Variants in PARD3 observed in about 807,000 individuals in gnomAD.
PARD3 encodes the protein partitioning defective 3 homolog.
In PARD3, 75 loss-of-function variants were observed where a neutral mutation model predicts 155.4. The observed-to-expected ratio is 0.48, with a 90% CI of 0.40 to 0.58. The LOEUF is 0.58. Among genes scored for constraint, PARD3 ranks in the 20% least tolerant of loss-of-function variants. The pLI, the probability that PARD3 is intolerant of heterozygous loss-of-function variation, is 0.00. For synonymous variants in PARD3, 576 were observed against 610.5 expected (o/e 0.94, Z 0.83); for missense variants, 1,642 against 1,721.7 (o/e 0.95, Z 0.82).
At chr10:34,764,098 G>A (rs944727000) in intron 1 of PARD3, among the ~76,000 whole-genome samples, 4 of 152,154 alleles carry the variant, frequency 2.6e-5, no homozygotes, top group African/African-American at 7.2e-5. Flanking sequence ...GTGCATCACC[G>A]TCCTGCATGC....
intron 22 of PARD3, among the ~76,000 whole-genome samples, chr10:34,148,513 T>C (rs568721072): frequency 1.3e-5 from 2 of 152,320 alleles, no homozygotes; most frequent in East Asian, 3.9e-4. Context: ...ACCACAACAT[T>C]GTTTCTATAG....
intron 22 of PARD3, among the ~76,000 whole-genome samples, chr10:34,158,721 T>G (rs898684186): frequency 2.6e-5 from 4 of 152,258 alleles, no homozygotes; most frequent in African/African-American, 9.6e-5. Context: ...CACTAGTTAC[T>G]GTGGTTACCA....
chr10:34,707,837 C>T (rs1463120739), intron 1 of PARD3, among the ~76,000 whole-genome samples: 1 of 152,210 alleles, frequency 6.6e-6, no homozygotes, highest in Non-Finnish European at 1.5e-5. Context: ...CAGAACCCTC[C>T]CAGCACTCCC....
intron 10 of PARD3, 103 bp downstream of exon 10, chr10:34,377,864 A>C: frequency 1.2e-6 from 1 of 864,772 alleles, no homozygotes. Context: ...GCTAAAATGT[A>C]TATAACTGAA....
chr10:34,231,216 A>C (rs1952909174), intron 22 of PARD3, among the ~76,000 whole-genome samples: 1 of 142,814 alleles, frequency 7.0e-6, no homozygotes, highest in Non-Finnish European at 1.5e-5. Flanking sequence ...TATATACATG[A>C]GATATTTTTT....
chr10:34,286,254 AC>A (rs1198480896), intron 20 of PARD3, among the ~76,000 whole-genome samples: 14 of 152,320 alleles, frequency 9.2e-5, no homozygotes, highest in African/African-American at 3.4e-4. Flanking sequence ...CTGAGCATCT[AC>A]CATGCAGTCA....
At chr10:34,741,021 C>A (rs1248281036) in intron 1 of PARD3, among the ~76,000 whole-genome samples, 1 of 151,944 alleles carries the variant, frequency 6.6e-6, no homozygotes, top group Non-Finnish European at 1.5e-5. Context: ...CCCCCTAAAA[C>A]AAATATTATA....
intron 1 of PARD3, among the ~76,000 whole-genome samples, chr10:34,798,644 G>A (rs1262746248): frequency 6.7e-6 from 1 of 148,500 alleles, no homozygotes; most frequent in Non-Finnish European, 1.5e-5. Flanking sequence ...GGCAGAGGTT[G>A]CAGTGAGCCG....
At chr10:34,581,722 A>G (rs1019780459) in intron 2 of PARD3, among the ~76,000 whole-genome samples, 1 of 152,200 alleles carries the variant, frequency 6.6e-6, no homozygotes, top group African/African-American at 2.4e-5. Context: ...CAAGTCTTTG[A>G]GAACCCAGGA....
chr10:34,306,641 C>G lies in PARD3; in HGVS notation c.3065+10466G>C, dbSNP rs184465825. ...TCCAGCCTGGGCAACAAGAGCAAAA[C>G]TCCATCTCAAAATAATAATAACAAT... On this transcript the variant is annotated intron_variant, in intron 20 of 24. Transcript: ENST00000374788. 5.3e-5 allele frequency among the ~76,000 whole-genome samples: 8 copies of G among 151,876 alleles called. No individual in the cohort carries two copies. In the East Asian group the frequency reaches 1.5e-3, roughly 29 times the overall value.
chr10:34,710,008 G>A (rs531007145), intron 1 of PARD3, among the ~76,000 whole-genome samples: 3 of 152,126 alleles, frequency 2.0e-5, no homozygotes, highest in African/African-American at 7.2e-5. Flanking sequence ...GAGGCGGGGG[G>A]ACAGGGAGCT....
In PARD3 at chr10:34,690,007, G is replaced by A. The variant is rs145609470; in HGVS notation, c.222+6311C>T. Among the ~76,000 whole-genome samples the A allele has an allele frequency of 2.8e-3, 431 of 152,188 alleles. 8 individuals carry two copies. The East Asian group carries it at 0.056, about 20-fold the overall frequency. ...TCGCCCAGGCTGGAGTACAGTGGGC[G>A]ATCTCAGCTCACTGCAACCTCCGTC... On this transcript the variant is annotated intron_variant, in intron 2 of 24. Coordinates refer to ENST00000374788, the MANE Select transcript of PARD3 (RefSeq NM_001184785.2).
intron 22 of PARD3, among the ~76,000 whole-genome samples, chr10:34,189,203 A>G (rs2133251191): frequency 6.6e-6 from 1 of 152,002 alleles, no homozygotes; most frequent in East Asian, 1.9e-4. Context: ...TAACCTGGGC[A>G]TGGTCCCCAG....
At chr10:34,513,671 T>C (rs1366463982) in intron 3 of PARD3, among the ~76,000 whole-genome samples, 2 of 152,230 alleles carry the variant, frequency 1.3e-5, no homozygotes, top group Admixed American at 1.3e-4. Flanking sequence ...TTATTCAGGA[T>C]ACTGTTCAAT....
At chr10:34,645,170 A>T (rs1449883653) in intron 2 of PARD3, among the ~76,000 whole-genome samples, 1 of 145,830 alleles carries the variant, frequency 6.9e-6, no homozygotes, top group Non-Finnish European at 1.5e-5. Flanking sequence ...TTTTTATTTT[A>T]TTTTATTTTA....
intron 2 of PARD3, among the ~76,000 whole-genome samples, chr10:34,519,909 TA>T (rs11342193): frequency 0.29 from 42,041 of 142,990 alleles, 6,632 homozygotes; most frequent in East Asian, 0.43. Context: ...TCCCAAAGAG[TA>T]AAAAACTTCT....
chr10:34,615,058 G>A (rs2091162437), intron 2 of PARD3, among the ~76,000 whole-genome samples: 1 of 151,926 alleles, frequency 6.6e-6, no homozygotes, highest in Non-Finnish European at 1.5e-5. Context: ...GCGGGTGCCT[G>A]TAGTCCCAGC....
chr10:34,379,376 T>C (rs531475100), intron 9 of PARD3, among the ~76,000 whole-genome samples: 1 of 152,134 alleles, frequency 6.6e-6, no homozygotes, highest in Non-Finnish European at 1.5e-5. Flanking sequence ...CTGAAGTCAC[T>C]TTAGGGTGCT....
chr10:34,787,788 T>C (rs1475941865), intron 1 of PARD3, among the ~76,000 whole-genome samples: 31 of 151,722 alleles, frequency 2.0e-4, no homozygotes, highest in Non-Finnish European at 3.4e-4. Flanking sequence ...TTTTTTTTTT[T>C]TTACTTTTGA....
Sources: allele counts gnomAD v4.1 joint callset (sites outside exome capture counted in the v4.1 genomes callset), GRCh38; gene constraint gnomAD v4.1.1; transcripts MANE v1.5; gene names NCBI Gene and HGNC (gene_info 2026-07-23, HGNC 2026-07-21).